YPEL2: variants seen among roughly 807,000 people sequenced by gnomAD.
YPEL2 encodes protein yippee-like 2.
Under a neutral mutation model 19.1 loss-of-function variants are expected in YPEL2, and 2 were observed. That is an observed-to-expected ratio of 0.10 (90% confidence interval 0.04 to 0.33). YPEL2 has a LOEUF of 0.33. Ranked by LOEUF, YPEL2 falls within the 10% of genes least tolerant of loss-of-function variation. YPEL2 has a pLI of 1.00. For synonymous variants in YPEL2, 52 were observed against 50.0 expected (o/e 1.04, Z -0.17); for missense variants, 66 against 140.7 (o/e 0.47, Z 2.68).
intron 2 of YPEL2, among the ~76,000 whole-genome samples, chr17:59,366,370 A>C (rs1445723401): frequency 6.6e-6 from 1 of 152,200 alleles, no homozygotes; most frequent in Non-Finnish European, 1.5e-5. Context: ...TGGCAGCAGC[A>C]ACAAGGATCT....
At chr17:59,393,472 T>A (rs966442577) in intron 4 of YPEL2, among the ~76,000 whole-genome samples, 11 of 150,514 alleles carry the variant, frequency 7.3e-5, no homozygotes, top group East Asian at 1.9e-4. Flanking sequence ...CATTTTCTTT[T>A]TTTTTATTTT....
chr17:59,375,276 C>T (rs2147950205), intron 2 of YPEL2, among the ~76,000 whole-genome samples: 1 of 152,256 alleles, frequency 6.6e-6, no homozygotes, highest in East Asian at 1.9e-4. Flanking sequence ...CTTTGAGATC[C>T]TTCACTGTAC....
chr17:59,349,746 C>T (rs1308525730), intron 1 of YPEL2, among the ~76,000 whole-genome samples: 7 of 152,168 alleles, frequency 4.6e-5, no homozygotes, highest in Non-Finnish European at 1.5e-5. Context: ...CTGCAACCTC[C>T]ACCTCGCAGG....
At chr17:59,393,039 A>G (rs2048015851) in intron 4 of YPEL2, among the ~76,000 whole-genome samples, 1 of 152,198 alleles carries the variant, frequency 6.6e-6, no homozygotes, top group African/African-American at 2.4e-5. Context: ...CAGTAGAGGC[A>G]GGATTAGTTG....
chr17:59,339,970 T>C (rs763159892), intron 1 of YPEL2, among the ~76,000 whole-genome samples: 4 of 152,110 alleles, frequency 2.6e-5, no homozygotes, highest in Admixed American at 6.5e-5. Flanking sequence ...TACTGAGCTT[T>C]CTGAGCTCCT....
At chr17:59,359,743 C>A (rs1023571238) in intron 2 of YPEL2, among the ~76,000 whole-genome samples, 1 of 152,210 alleles carries the variant, frequency 6.6e-6, no homozygotes, top group Admixed American at 6.5e-5. Flanking sequence ...GCATAAATGT[C>A]TATCTCAAAA....
intron 1 of YPEL2, among the ~76,000 whole-genome samples, chr17:59,337,193 G>T (rs4088386): frequency 0.72 from 102,190 of 142,220 alleles, 37,445 homozygotes; most frequent in African/African-American, 0.87. Flanking sequence ...CTTTTTTTTT[G>T]TTTTTTTTGT....
intron 2 of YPEL2, among the ~76,000 whole-genome samples, chr17:59,379,760 T>G (rs932071704): frequency 7.9e-5 from 12 of 152,284 alleles, no homozygotes; most frequent in Non-Finnish European, 1.8e-4. Context: ...TTTTGTAATG[T>G]GAATTATATC....
At chr17:59,391,877 G>A (rs1307760754) in intron 4 of YPEL2, among the ~76,000 whole-genome samples, 4 of 150,980 alleles carry the variant, frequency 2.6e-5, no homozygotes, top group African/African-American at 7.4e-5. Context: ...TCCAGCCTGG[G>A]CGACAGAGTG....
chr17:59,331,737 C>G lies in YPEL2; in HGVS notation c.-283C>G, dbSNP rs1327961859. On this transcript the variant is annotated 5_prime_UTR_variant, in exon 1 of 5. Coordinates refer to ENST00000312655, the MANE Select transcript of YPEL2 (RefSeq NM_001005404.4). ...TGTGGCTTTAAGAGCGTGCCGGGAG[C>G]CCGAGCCCCAGCCGGGCCGCGCTTC... 6.6e-6 allele frequency: 1 copy of G among 152,198 alleles called. No homozygotes were observed. Among genetic ancestry groups the G allele is most frequent in the Non-Finnish European group, 1.5e-5 (1 of 68,102 alleles). 9.4% of individuals were successfully genotyped at this position (152,198 alleles called of 1,614,324 possible). A position where few individuals can be genotyped will look rare whatever the true frequency, so the allele number is the denominator to read the frequency against.
intron 2 of YPEL2, among the ~76,000 whole-genome samples, chr17:59,381,364 C>G (rs557489514): frequency 6.6e-6 from 1 of 152,190 alleles, no homozygotes; most frequent in South Asian, 2.1e-4. Flanking sequence ...GATGGTTGAT[C>G]TTCCTAGACA....
At chr17:59,343,408 G>A (rs1473650182) in intron 1 of YPEL2, among the ~76,000 whole-genome samples, 3 of 152,158 alleles carry the variant, frequency 2.0e-5, no homozygotes, top group African/African-American at 7.2e-5. Flanking sequence ...ACTGCAAGAA[G>A]TTCCCAGTCT....
At chr17:59,384,106 A>G (rs1056237294) in intron 2 of YPEL2, among the ~76,000 whole-genome samples, 4 of 152,188 alleles carry the variant, frequency 2.6e-5, no homozygotes, top group African/African-American at 7.2e-5. Context: ...ATTCATGCCA[A>G]CACTTGGTTT....
intron 1 of YPEL2, among the ~76,000 whole-genome samples, chr17:59,337,273 C>T (rs901348547): frequency 7.3e-5 from 11 of 151,194 alleles, no homozygotes; most frequent in Non-Finnish European, 1.5e-4. Flanking sequence ...CTGCAAGCTC[C>T]GCCTCCCGGG....
chr17:59,389,869 C>G (rs1310315822), intron 4 of YPEL2, among the ~76,000 whole-genome samples: 1 of 152,074 alleles, frequency 6.6e-6, no homozygotes, highest in African/African-American at 2.4e-5. Flanking sequence ...ATAGCCACAC[C>G]AGGATAGGAA....
Position 59,353,339 on chromosome 17 carries a change from T to G in YPEL2, c.-71T>G. On this transcript the variant is annotated 5_prime_UTR_variant, in exon 2 of 5. Coordinates refer to ENST00000312655, the MANE Select transcript of YPEL2 (RefSeq NM_001005404.4). This position sits in a 1 kb window ranked among gnomAD's most constrained non-coding sequence, Gnocchi z 4.8. The stretch of plus-strand genomic sequence containing the variant: ...GCCTTTACCTGTGTCTTCCGGTGTT[T>G]CCCGTGCGACCCATCCTGTGGGAGT... The G allele has an allele frequency of 8.6e-7, 1 of 1,162,842 alleles. No homozygotes were observed. The allele number at this position is 1,162,842 out of a possible 1,614,324, so 72.0% of individuals were successfully genotyped here.
At chr17:59,365,467 G>C (rs1473987389) in intron 2 of YPEL2, among the ~76,000 whole-genome samples, 1 of 152,198 alleles carries the variant, frequency 6.6e-6, no homozygotes, top group African/African-American at 2.4e-5. Context: ...GAGGACCTCA[G>C]TTGGCTGTGA....
rs1046586296 is a variant in YPEL2 at position 59,397,439 on chromosome 17, A to T, written c.*249A>T. 4.2e-5 allele frequency: 14 copies of T among 332,020 alleles called. No individual in the cohort carries two copies. The highest frequency in any genetic ancestry group is 6.0e-5 in the Non-Finnish European group (11 of 183,074). The allele number at this position is 332,020 out of a possible 1,614,324, so 20.6% of individuals were successfully genotyped here. On this transcript the variant is annotated 3_prime_UTR_variant, in exon 5 of 5. Coordinates refer to ENST00000312655, the MANE Select transcript of YPEL2 (RefSeq NM_001005404.4). ...CTCTGTTCTAGTTTTGGCTGAAAACAAAACAACAAAAGGAACAGATCCTTG... is the reference window on the plus strand; with the variant it reads ...CTCTGTTCTAGTTTTGGCTGAAAACTAAACAACAAAAGGAACAGATCCTTG...
Position 59,353,504 on chromosome 17 carries a change from A to G in YPEL2, c.95A>G (p.Asn32Ser). Residue 32 changes from asparagine to serine, a missense_variant, in exon 2 of 5, where the codon AAT (asparagine) becomes AGT (serine). Asn to Ser is a conservative substitution (Grantham distance 46). Coordinates refer to ENST00000312655, the MANE Select transcript of YPEL2 (RefSeq NM_001005404.4). The surrounding 1 kb of genome is among the most constrained non-coding windows in gnomAD (Gnocchi z 4.8). ...ATTCACTGCAGAGCTCACTTGGCCA[A>G]TCATGATGAACTAATTTCCAAGGTA... is the stretch of plus-strand genomic sequence containing the variant. ...SCIHCRAHLA[N>S]HDELISKSFQ... The G allele has an allele frequency of 6.2e-7, 1 of 1,614,140 alleles. No homozygotes were observed. The highest frequency in any genetic ancestry group is 8.5e-7 in the Non-Finnish European group (1 of 1,179,968).
Sources: gnomAD v4.1 joint callset for allele counts (sites outside exome capture counted in the v4.1 genomes callset) on GRCh38, gnomAD v4.1.1 for gene constraint, Gnocchi (gnomAD v3.1) non-coding constraint, MANE v1.5 for transcripts, NCBI Gene and HGNC (gene_info 2026-07-23, HGNC 2026-07-21) for gene names.